The following FAM3D variants were observed in gnomAD, a reference collection of about 807,000 sequenced individuals.
The protein encoded by FAM3D is FAM3 metabolism regulating signaling molecule D.
A neutral mutation model predicts 29.8 loss-of-function variants in FAM3D; 26 were observed. The observed-to-expected ratio is 0.87, with a 90% CI of 0.64 to 1.21. The LOEUF (loss-of-function observed/expected upper bound fraction) is 1.21, where lower values mean the gene tolerates loss of function less well. FAM3D is among the 50% of genes most tolerant of loss of function. The pLI is 0.00. For synonymous variants in FAM3D, 115 were observed against 102.3 expected, an observed-to-expected ratio of 1.12 and a Z score of -0.75; for missense variants, 253 against 290.9, an observed-to-expected ratio of 0.87 and a Z score of 0.95.
chr3:58,663,662 C>A (rs1428040743), intron 1 of FAM3D, among the ~76,000 whole-genome samples: 1 of 152,222 alleles, frequency 6.6e-6, no homozygotes, highest in Non-Finnish European at 1.5e-5. Flanking sequence ...CAACTCTTGG[C>A]TTTTTCTCTG....
Position 58,653,681 on chromosome 3 carries a change from G to C in FAM3D, c.114C>G (p.Arg38=). The C allele has an allele frequency of 6.2e-7, 1 of 1,613,698 alleles. No homozygotes were observed. Among genetic ancestry groups the C allele is most frequent in the Non-Finnish European group, 8.5e-7 (1 of 1,179,970 alleles). Residue 38 remains arginine, a synonymous_variant, in exon 3 of 10, where the codon CGC becomes CGG. Coordinates refer to ENST00000358781, the MANE Select transcript of FAM3D (RefSeq NM_138805.3). Reference sequence around the variant, plus strand: ...GCAGTGAGCCCCACTCACCCAGCCAGCGTGGCAGACGGATGGTTTTCATGC... The same window carrying C: ...GCAGTGAGCCCCACTCACCCAGCCACCGTGGCAGACGGATGGTTTTCATGC... The part of the protein sequence containing the change: ...SFSMKTIRLP[R]WLAASPTKEI...
Position 58,635,690 on chromosome 3 carries a change from A to G in FAM3D, c.585+604T>C, listed in dbSNP as rs1215475540. On this transcript the variant is annotated intron_variant, in intron 9 of 9. Transcript: ENST00000358781. This position sits in a 1 kb window ranked among gnomAD's most constrained non-coding sequence, Gnocchi z 5.2. ...TCTTCACTGCGTTCAAGTAATTTCTAGTTACCCAAATACATCCTCTTAGAA... is the reference window on the plus strand; with the variant it reads ...TCTTCACTGCGTTCAAGTAATTTCTGGTTACCCAAATACATCCTCTTAGAA... Among the ~76,000 whole-genome samples, 3 of 152,198 alleles carry G rather than the reference A, an allele frequency of 2.0e-5. No individual in the cohort carries two copies. Among genetic ancestry groups the G allele is most frequent in the Non-Finnish European group, 2.9e-5 (2 of 68,034 alleles).
chr3:58,636,799 G>T (rs565240171), intron 8 of FAM3D, among the ~76,000 whole-genome samples: 4 of 152,228 alleles, frequency 2.6e-5, no homozygotes, highest in Non-Finnish European at 5.9e-5. Context: ...AGCACTAGAG[G>T]GTGAGCGATT....
rs1575468734 is a variant in FAM3D at position 58,637,179 on chromosome 3, T to C, written c.420A>G (p.Ala140=). 3.1e-6 allele frequency: 5 copies of C among 1,614,032 alleles called. No homozygotes were observed. The highest frequency in any genetic ancestry group is 4.2e-6 in the Non-Finnish European group (5 of 1,179,992). ...CGTCGTAGGAGGCCACCAGCACCAGTGCACCCCCCGGAATTTCTTTAAGGA... is the reference window on the plus strand; with the variant it reads ...CGTCGTAGGAGGCCACCAGCACCAGCGCACCCCCCGGAATTTCTTTAAGGA... ...VKFLKEIPGG[A]LVLVASYDDP... is the part of the protein sequence containing the mutation. The change falls in exon 8 of 10, where the codon GCA becomes GCG. Residue 140 remains alanine (A), a synonymous_variant. Transcript: ENST00000358781.
At chr3:58,638,194 G>T (rs1252747107) in intron 7 of FAM3D, among the ~76,000 whole-genome samples, 1 of 152,148 alleles carries the variant, frequency 6.6e-6, no homozygotes, top group Non-Finnish European at 1.5e-5. Context: ...CCTCCATTGT[G>T]ATTATTTTTA....
Position 58,640,232 on chromosome 3 carries a change from C to A in FAM3D, c.323-55G>T. 1.9e-6 allele frequency: 3 copies of A among 1,588,936 alleles called. No individual in the cohort carries two copies. The South Asian group carries it at 3.3e-5, about 18-fold the overall frequency. ...CTGTAACACGTGTCATTCTGCCTGT[C>A]GTTCTGCTGAAAATGCCTAATCTGT... is the stretch of plus-strand genomic sequence containing the variant. On this transcript the variant is annotated intron_variant, in intron 6 of 9. Transcript: ENST00000358781.
chr3:58,650,922 T>G (rs1035859976), intron 3 of FAM3D, among the ~76,000 whole-genome samples: 14 of 152,056 alleles, frequency 9.2e-5, no homozygotes, highest in African/African-American at 3.4e-4. Flanking sequence ...TTTCACCGTG[T>G]TAGCCAGGAT....
chr3:58,656,364 T>C (rs2066800277), intron 1 of FAM3D, among the ~76,000 whole-genome samples: 1 of 152,234 alleles, frequency 6.6e-6, no homozygotes, highest in Non-Finnish European at 1.5e-5. Context: ...TGCAGGTTTC[T>C]GGCTGCTGAA....
chr3:58,657,371 G>A (rs766608855), intron 1 of FAM3D, among the ~76,000 whole-genome samples: 8 of 149,488 alleles, frequency 5.4e-5, no homozygotes, highest in South Asian at 2.1e-4. Flanking sequence ...GAGAAGGGGC[G>A]GGGTGGTGGG....
intron 1 of FAM3D, chr3:58,657,668 G>A (rs1575491743): frequency 6.6e-6 from 1 of 152,392 alleles, no homozygotes; most frequent in East Asian, 1.9e-4. Context: ...TCTGGGCTGA[G>A]TTGCCCTCCC....
chr3:58,646,675 G>C (rs909144087), intron 4 of FAM3D, among the ~76,000 whole-genome samples: 1 of 152,232 alleles, frequency 6.6e-6, no homozygotes, highest in Non-Finnish European at 1.5e-5. Flanking sequence ...CCCTGTGCCA[G>C]GCATCTGGCC....
intron 9 of FAM3D, 147 bp downstream of exon 9, chr3:58,636,147 C>T: frequency 1.5e-6 from 2 of 1,313,570 alleles, no homozygotes; most frequent in Non-Finnish European, 1.0e-6. Context: ...ACCACCCTGG[C>T]CTTTGGAGTG....
intron 4 of FAM3D, 49 bp downstream of exon 4, chr3:58,649,266 G>A (rs764572918): frequency 1.9e-6 from 3 of 1,603,538 alleles, no homozygotes; most frequent in African/African-American, 2.7e-5. Flanking sequence ...TGGGAGCAGG[G>A]GGTGAGTGGA....
chr3:58,645,494 G>T lies in FAM3D; in HGVS notation c.263+15C>A. The T allele has an allele frequency of 5.2e-6, 8 of 1,543,694 alleles. No homozygotes were observed. Among genetic ancestry groups the T allele is most frequent in the Non-Finnish European group, 7.1e-6 (8 of 1,125,654 alleles). The stretch of plus-strand genomic sequence containing the variant: ...AATAAAATAAAATAAACATAGTTGT[G>T]TCTTAGGTACTTACATGCGGTCTTC... On this transcript the variant is annotated intron_variant, in intron 5 of 9. Coordinates refer to ENST00000358781, the MANE Select transcript of FAM3D (RefSeq NM_138805.3).
chr3:58,643,586 T>C (rs2066394485), intron 6 of FAM3D, 76 bp downstream of exon 6: 1 of 1,471,240 alleles, frequency 6.8e-7, no homozygotes, highest in African/African-American at 1.4e-5. Flanking sequence ...CCAATGTTGG[T>C]TGAATGAATA....
chr3:58,655,109 A>G (rs17059598), intron 2 of FAM3D, among the ~76,000 whole-genome samples: 2,095 of 152,240 alleles, frequency 0.014, 50 homozygotes, highest in African/African-American at 0.048. Context: ...GACTCCTTAC[A>G]GCTGTTCTAG....
chr3:58,655,636 A>G (rs1338820763), intron 1 of FAM3D, 35 bp from the exon 2 acceptor site: 6 of 1,566,136 alleles, frequency 3.8e-6, no homozygotes, highest in African/African-American at 1.3e-5. Context: ...GGAAACTGGC[A>G]TCAGGTCTGC....
intron 1 of FAM3D, among the ~76,000 whole-genome samples, chr3:58,663,807 C>A (rs1029512354): frequency 1.3e-5 from 2 of 152,204 alleles, no homozygotes; most frequent in African/African-American, 2.4e-5. Flanking sequence ...GGTTTTGTGC[C>A]TGGCTCCCAG....
At position 58,643,728 on chromosome 3, in the gene FAM3D, C is replaced by T. The variant is rs779246623; in HGVS notation, c.264-8G>A. On this transcript the variant is annotated splice_polypyrimidine_tract_variant and splice_region_variant and intron_variant, in intron 5 of 9. Coordinates refer to ENST00000358781, the MANE Select transcript of FAM3D (RefSeq NM_138805.3). ...TTCACAGGACTCATGATCCTGAAGA[C>T]AATGAAGAAGAAATATGACAGTCGG... 1.1e-5 allele frequency: 17 copies of T among 1,613,856 alleles called. No homozygotes were observed. Among genetic ancestry groups the T allele is most frequent in the Non-Finnish European group, 1.4e-5 (16 of 1,179,874 alleles).
Sources: allele counts gnomAD v4.1 joint callset (sites outside exome capture counted in the v4.1 genomes callset), GRCh38; gene constraint gnomAD v4.1.1; non-coding constraint Gnocchi (gnomAD v3.1); transcripts MANE v1.5; gene names NCBI Gene and HGNC (gene_info 2026-07-23, HGNC 2026-07-21).